Variants in MGAT4C observed in about 807,000 individuals in gnomAD.
MGAT4C encodes the protein alpha-1,3-mannosyl-glycoprotein 4-beta-N-acetylglucosaminyltransferase C.
MGAT4C carries 19 observed loss-of-function variants against 40.1 expected under a neutral mutation model. That is an observed-to-expected ratio of 0.47 (90% CI 0.33 to 0.70). The LOEUF is 0.70. Among genes scored for constraint, MGAT4C ranks in the 30% least tolerant of loss-of-function variants. MGAT4C has a pLI of 0.02. For missense variants in MGAT4C, 491 were observed against 563.2 expected, an observed-to-expected ratio of 0.87 and a Z score of 1.30; for synonymous variants, 181 against 187.1, an observed-to-expected ratio of 0.97 and a Z score of 0.27.
In MGAT4C at chr12:86,588,476, C is replaced by G. The variant is rs192701066; in HGVS notation, c.-229+138733G>C. Among the ~76,000 whole-genome samples the G allele has an allele frequency of 5.3e-5, 8 of 152,136 alleles. No individual in the cohort carries two copies. The East Asian group carries it at 1.4e-3, about 26-fold the overall frequency. On this transcript the variant is annotated intron_variant, in intron 2 of 7. Transcript: ENST00000548651. Reference sequence around the variant, plus strand: ...ATGGGAGACTTTAACACCCCACTGTCAACATTAGACAGATCAACAAGACAG... The same window carrying G: ...ATGGGAGACTTTAACACCCCACTGTGAACATTAGACAGATCAACAAGACAG...
intron 2 of MGAT4C, among the ~76,000 whole-genome samples, chr12:86,705,505 C>T (rs1950440301): frequency 6.7e-6 from 1 of 150,120 alleles, no homozygotes; most frequent in African/African-American, 2.5e-5. Flanking sequence ...AGGATGGATC[C>T]CAGGTAAAGA....
At chr12:86,328,111 A>T (rs1403759005) in intron 4 of MGAT4C, among the ~76,000 whole-genome samples, 2 of 152,202 alleles carry the variant, frequency 1.3e-5, no homozygotes, top group African/African-American at 4.8e-5. Flanking sequence ...CTTTACATTA[A>T]ATTTAGCTTT....
chr12:86,489,440 G>A (rs987904750), intron 2 of MGAT4C, among the ~76,000 whole-genome samples: 5 of 152,192 alleles, frequency 3.3e-5, no homozygotes, highest in African/African-American at 9.6e-5. Flanking sequence ...CTAAAAGGCT[G>A]TCACACTAGC....
chr12:86,242,902 T>A (rs566978973), intron 1 of MGAT4C, among the ~76,000 whole-genome samples: 44 of 152,304 alleles, frequency 2.9e-4, no homozygotes, highest in Non-Finnish European at 5.3e-4. Context: ...CTCTAGCTAC[T>A]AACAGAGCCC....
At chr12:85,987,855 C>A (rs1013533326) in intron 3 of MGAT4C, among the ~76,000 whole-genome samples, 2 of 152,140 alleles carry the variant, frequency 1.3e-5, no homozygotes, top group African/African-American at 4.8e-5. Flanking sequence ...CAACCAATAA[C>A]ATGTGTTTGA....
chr12:86,723,184 C>T (rs968554056), intron 2 of MGAT4C, among the ~76,000 whole-genome samples: 3 of 152,160 alleles, frequency 2.0e-5, no homozygotes, highest in Non-Finnish European at 4.4e-5. Flanking sequence ...CTAGTTTCAT[C>T]GTTGTTCCTC....
intron 1 of MGAT4C, among the ~76,000 whole-genome samples, chr12:86,216,825 G>T (rs910523830): frequency 1.3e-5 from 2 of 152,084 alleles, no homozygotes; most frequent in Non-Finnish European, 2.9e-5. Flanking sequence ...TAAATATATT[G>T]CAGACATACA....
chr12:86,644,656 C>T (rs1356368946), intron 2 of MGAT4C, among the ~76,000 whole-genome samples: 1 of 151,556 alleles, frequency 6.6e-6, no homozygotes, highest in East Asian at 1.9e-4. Context: ...TGTTTTAGCC[C>T]AAAGTCCATC....
At chr12:86,040,118 C>T (rs193075278) in intron 2 of MGAT4C, among the ~76,000 whole-genome samples, 86 of 152,348 alleles carry the variant, frequency 5.6e-4, no homozygotes, top group Non-Finnish European at 2.1e-4. Flanking sequence ...AGAGGGGCAC[C>T]TGCCAGATGC....
chr12:86,377,905 C>T (rs1955860524), intron 3 of MGAT4C, among the ~76,000 whole-genome samples: 2 of 152,136 alleles, frequency 1.3e-5, no homozygotes, highest in Non-Finnish European at 2.9e-5. Flanking sequence ...ATTCTACTTG[C>T]TGTCTCTATG....
chr12:85,999,555 G>A (rs1433652455), intron 2 of MGAT4C, among the ~76,000 whole-genome samples: 4 of 143,058 alleles, frequency 2.8e-5, no homozygotes, highest in African/African-American at 7.8e-5. Flanking sequence ...CAGATGAATA[G>A]GTAAAGAAAA....
chr12:86,008,340 T>C (rs1888107023), intron 2 of MGAT4C, among the ~76,000 whole-genome samples: 1 of 152,022 alleles, frequency 6.6e-6, no homozygotes, highest in African/African-American at 2.4e-5. Context: ...TGAGCAATGG[T>C]TTTATTTTTC....
rs530904028 is a variant in MGAT4C, at chr12:86,035,127, A to G, written c.-7+14547T>C. Among the ~76,000 whole-genome samples the G allele has an allele frequency of 3.5e-4, 52 of 149,722 alleles. 2 individuals are homozygous for G. Among genetic ancestry groups the G allele is most frequent in the Non-Finnish European group, 4.8e-4 (32 of 66,714 alleles). ...GATTGCTGGGTCATATAGTATTTCT[A>G]GTTCTAGATAAATTGCCACCGTCTC... On this transcript the variant is annotated intron_variant, in intron 2 of 4. Coordinates refer to ENST00000611864, the MANE Select transcript of MGAT4C (RefSeq NM_001351288.2).
chr12:86,445,467 A>C (rs1282299370), intron 2 of MGAT4C, among the ~76,000 whole-genome samples: 1 of 152,184 alleles, frequency 6.6e-6, no homozygotes, highest in Admixed American at 6.5e-5. Context: ...AATTAGCAAA[A>C]GCAGTTTGAG....
chr12:86,790,768 G>A (rs550773008), intron 1 of MGAT4C, among the ~76,000 whole-genome samples: 19 of 152,154 alleles, frequency 1.2e-4, no homozygotes, highest in South Asian at 6.2e-4. Flanking sequence ...GAATCTCTGC[G>A]TTCAGAGAGT....
At chr12:86,266,628 GTATCAAGGTGA>G (rs1194626172) in intron 4 of MGAT4C, among the ~76,000 whole-genome samples, 5 of 152,046 alleles carry the variant, frequency 3.3e-5, no homozygotes, top group Non-Finnish European at 7.4e-5. Flanking sequence ...TCTGGTTTTG[GTATCAAGGTGA>G]TAATGGCCTC....
At chr12:86,515,765 G>A (rs1592941534) in intron 2 of MGAT4C, among the ~76,000 whole-genome samples, 1 of 143,592 alleles carries the variant, frequency 7.0e-6, no homozygotes, top group South Asian at 2.2e-4. Flanking sequence ...TTGAGACGGA[G>A]TCTCGCTCTG....
intron 1 of MGAT4C, among the ~76,000 whole-genome samples, chr12:86,788,180 G>GAT (rs1024798890): frequency 2.0e-5 from 3 of 150,478 alleles, no homozygotes; most frequent in African/African-American, 4.9e-5. Context: ...TATTATATAG[G>GAT]ATATATATAT....
At chr12:86,641,525 T>A (rs1055159186) in intron 2 of MGAT4C, among the ~76,000 whole-genome samples, 4 of 150,954 alleles carry the variant, frequency 2.6e-5, no homozygotes, top group Non-Finnish European at 4.4e-5. Context: ...ATAATAATAA[T>A]AAAATAAAAA....
Sources: allele counts gnomAD v4.1 joint callset (sites outside exome capture counted in the v4.1 genomes callset), GRCh38; gene constraint gnomAD v4.1.1; transcripts MANE v1.5; gene names NCBI Gene and HGNC (gene_info 2026-07-23, HGNC 2026-07-21).